The following MALRD1 variants were observed in gnomAD, a reference collection of about 807,000 sequenced individuals.
MALRD1 encodes the protein MAM and LDL receptor class A domain containing 1, also known as MAM and LDL-receptor class A domain-containing protein 1.
Under a neutral mutation model 242.1 loss-of-function variants are expected in MALRD1, and 247 were observed. The ratio of observed to expected loss-of-function variants is 1.02; its 90% confidence interval spans 0.92 to 1.13. The LOEUF is 1.13. Ranked by LOEUF, MALRD1 falls within the 50% of genes most tolerant of loss-of-function variation. The pLI is 0.00. For missense variants in MALRD1, 2,989 were observed against 2,533.1 expected, an observed-to-expected ratio of 1.18 and a Z score of -3.86; for synonymous variants, 995 against 866.6, an observed-to-expected ratio of 1.15 and a Z score of -2.60.
At chr10:19,049,200 A>G (rs1313216650) in intron 1 of MALRD1, 63 bp downstream of exon 1, 1 of 1,208,190 alleles carries the variant, frequency 8.3e-7, no homozygotes, top group Non-Finnish European at 1.0e-6. Context: ...AGGGCCTCTG[A>G]GCAGTCTGGG....
chr10:19,290,440 C>G (rs540698691), intron 21 of MALRD1: 1 of 152,242 alleles, frequency 6.6e-6, no homozygotes, highest in African/African-American at 2.4e-5. Flanking sequence ...GGGTTGTAAT[C>G]AAGGTATATG....
chr10:19,475,463 T>C (rs2131155128), intron 29 of MALRD1, among the ~76,000 whole-genome samples: 1 of 152,308 alleles, frequency 6.6e-6, no homozygotes, highest in South Asian at 2.1e-4. Flanking sequence ...TTTGTAGCTT[T>C]GTTAACAATT....
At chr10:19,419,711 G>T (rs1833647254) in intron 28 of MALRD1, among the ~76,000 whole-genome samples, 1 of 152,046 alleles carries the variant, frequency 6.6e-6, no homozygotes, top group Admixed American at 6.6e-5. Context: ...CCAAAACAGT[G>T]ATCACTGCAA....
chr10:19,130,761 A>T (rs1833070484), intron 8 of MALRD1, among the ~76,000 whole-genome samples: 1 of 152,170 alleles, frequency 6.6e-6, no homozygotes, highest in Non-Finnish European at 1.5e-5. Flanking sequence ...ATGTATATAG[A>T]TTGGAATTAC....
chr10:19,292,737 A>G (rs1439673526), intron 21 of MALRD1, among the ~76,000 whole-genome samples: 1 of 151,754 alleles, frequency 6.6e-6, no homozygotes, highest in East Asian at 2.0e-4. Flanking sequence ...CTAAAAATAC[A>G]AAAAAATTAG....
chr10:19,362,647 T>C (rs1364821596), intron 26 of MALRD1, among the ~76,000 whole-genome samples: 2 of 151,968 alleles, frequency 1.3e-5, no homozygotes, highest in African/African-American at 2.4e-5. Context: ...AGAGAGGAGA[T>C]GGGGAGGCAG....
intron 26 of MALRD1, among the ~76,000 whole-genome samples, chr10:19,355,842 A>ATT (rs1259771142): frequency 0.57 from 62,140 of 109,082 alleles, 18,411 homozygotes; most frequent in African/African-American, 0.66. Context: ...AAGAACATAT[A>ATT]TTATATATAT....
chr10:19,569,264 T>G (rs1214037734), intron 33 of MALRD1, among the ~76,000 whole-genome samples: 1 of 152,092 alleles, frequency 6.6e-6, no homozygotes, highest in Non-Finnish European at 1.5e-5. Flanking sequence ...GGGTCCCAGA[T>G]GCATGAGTTT....
intron 24 of MALRD1, among the ~76,000 whole-genome samples, chr10:19,339,142 T>C (rs2130949228): frequency 6.6e-6 from 1 of 152,104 alleles, no homozygotes; most frequent in Admixed American, 6.6e-5. Context: ...CTACACTTAG[T>C]TTGGACTTTA....
chr10:19,129,331 G>A (rs1478846513), intron 8 of MALRD1, among the ~76,000 whole-genome samples: 1 of 152,092 alleles, frequency 6.6e-6, no homozygotes, highest in Non-Finnish European at 1.5e-5. Flanking sequence ...TACCCATTTA[G>A]TATTAAAAAT....
rs1011890675 is a variant in MALRD1, at chr10:19,454,431, T to TATATATATATATATATATAA, written c.5029+3942_5029+3943insTATATATATATATATATAAA. ...ATATATATATATATATATATATATA[T>TATATATATATATATATATAA]AATTATATGATACATACATATAAAT... On this transcript the variant is annotated intron_variant, in intron 29 of 39. Transcript: ENST00000454679. Among the ~76,000 whole-genome samples the TATATATATATATATATATAA allele has an allele frequency of 1.8e-3, 252 of 136,620 alleles. 3 individuals are homozygous for TATATATATATATATATATAA. Among genetic ancestry groups the TATATATATATATATATATAA allele is most frequent in the Non-Finnish European group, 2.3e-3 (147 of 63,516 alleles). The allele number at this position is 136,620 out of a possible 152,430, so 89.6% of individuals were successfully genotyped here.
intron 28 of MALRD1, among the ~76,000 whole-genome samples, chr10:19,443,050 A>G (rs1371100425): frequency 1.3e-5 from 2 of 151,920 alleles, no homozygotes; most frequent in Non-Finnish European, 2.9e-5. Context: ...AGTCTGGGAG[A>G]GTGTATGTGT....
chr10:19,327,355 TC>T (rs1407555208), intron 22 of MALRD1, among the ~76,000 whole-genome samples: 3 of 152,008 alleles, frequency 2.0e-5, no homozygotes, highest in Non-Finnish European at 4.4e-5. Context: ...TTCATGCACA[TC>T]TTTATTGTAG....
chr10:19,552,724 AT>A (rs1367334620), intron 32 of MALRD1, among the ~76,000 whole-genome samples: 1 of 151,166 alleles, frequency 6.6e-6, no homozygotes, highest in Non-Finnish European at 1.5e-5. Context: ...AAAGAAAAAA[AT>A]TATTTTGTTT....
At chr10:19,485,038 C>A (rs1837176899) in intron 29 of MALRD1, among the ~76,000 whole-genome samples, 1 of 152,126 alleles carries the variant, frequency 6.6e-6, no homozygotes, top group African/African-American at 2.4e-5. Flanking sequence ...TTGGATGGAA[C>A]TGAAAGCCAC....
Position 19,133,931 on chromosome 10 carries a change from G to A in MALRD1, c.1186G>A (p.Asp396Asn). The A allele has an allele frequency of 1.6e-6, 2 of 1,227,360 alleles. No individual in the cohort carries two copies. The highest frequency in any genetic ancestry group is 2.0e-6 in the Non-Finnish European group (2 of 984,518). The allele number at this position is 1,227,360 out of a possible 1,614,324, so 76.0% of individuals were successfully genotyped here. Residue 396 changes from aspartate to asparagine, a missense_variant, in exon 9 of 40, where the codon GAT (aspartate) becomes AAT (asparagine). Asp to Asn is a conservative substitution (Grantham distance 23). Transcript: ENST00000454679. Reference protein sequence around the residue: ...WVKADVLIPEDLKTFKIIFEG... With the variant: ...WVKADVLIPENLKTFKIIFEG... Reference sequence around the variant, plus strand: ...GAAAGCAGATGTGTTAATACCAGAAGATCTGAAGACATTTAAGGTATGAAA... The same window carrying A: ...GAAAGCAGATGTGTTAATACCAGAAAATCTGAAGACATTTAAGGTATGAAA...
At chr10:19,462,915 G>A (rs970507854) in intron 29 of MALRD1, among the ~76,000 whole-genome samples, 64 of 152,254 alleles carry the variant, frequency 4.2e-4, no homozygotes, top group Middle Eastern at 3.4e-3. Context: ...CAGGGAAAGA[G>A]GCAAAGGAAG....
At chr10:19,337,077 A>G (rs1843645288) in intron 24 of MALRD1, among the ~76,000 whole-genome samples, 1 of 152,040 alleles carries the variant, frequency 6.6e-6, no homozygotes, top group African/African-American at 2.4e-5. Flanking sequence ...GTGTGTATAT[A>G]TTTGTGTATA....
At chr10:19,052,549 C>T (rs1427079388) in intron 1 of MALRD1, among the ~76,000 whole-genome samples, 4 of 152,150 alleles carry the variant, frequency 2.6e-5, no homozygotes, top group Non-Finnish European at 4.4e-5. Context: ...GCTGATTACA[C>T]GGCCTGGGGT....
Sources: allele counts gnomAD v4.1 joint callset (sites outside exome capture counted in the v4.1 genomes callset), GRCh38; gene constraint gnomAD v4.1.1; transcripts MANE v1.5; gene names NCBI Gene and HGNC (gene_info 2026-07-23, HGNC 2026-07-21).